IQSEC1: variants seen among roughly 807,000 people sequenced by gnomAD.
The protein encoded by IQSEC1 is IQ motif and Sec7 domain ArfGEF 1.
IQSEC1 carries 31 observed loss-of-function variants against 91.0 expected under a neutral mutation model. That is an observed-to-expected ratio of 0.34 (90% CI 0.26 to 0.46). The LOEUF (loss-of-function observed/expected upper bound fraction) is 0.46. IQSEC1 is among the 20% of genes least tolerant of loss of function. IQSEC1 has a pLI of 1.00. For missense variants in IQSEC1, 1,388 were observed against 1,575.6 expected, an observed-to-expected ratio of 0.88 and a Z score of 2.02; for synonymous variants, 699 against 662.6, an observed-to-expected ratio of 1.05 and a Z score of -0.84.
Position 12,967,768 on chromosome 3 carries a change from T to A in IQSEC1, c.24-25903A>T. The A allele has an allele frequency of 2.4e-6, 2 of 842,024 alleles. No homozygotes were observed. The highest frequency in any genetic ancestry group is 2.9e-6 in the Non-Finnish European group (2 of 694,420). The allele number at this position is 842,024 out of a possible 1,614,324, so 52.2% of individuals were successfully genotyped here. ...GCGGGGGCGGGGCCGGAGGGCGAGC[T>A]GGGGGCGGGGCCGGAGGGCGAGCTG... On this transcript the variant is annotated intron_variant, in intron 1 of 13. Transcript: ENST00000613206. The surrounding 1 kb of genome is among the most constrained non-coding windows in gnomAD (Gnocchi z 5.9).
chr3:13,253,927 G>C (rs754535123), intron 1 of IQSEC1, among the ~76,000 whole-genome samples: 2 of 152,216 alleles, frequency 1.3e-5, no homozygotes, highest in Non-Finnish European at 2.9e-5. Context: ...ACCGATGGAA[G>C]CTGTGTTTCC....
intron 1 of IQSEC1, among the ~76,000 whole-genome samples, chr3:13,169,560 G>C (rs897923781): frequency 2.0e-5 from 3 of 152,228 alleles, no homozygotes; most frequent in African/African-American, 7.2e-5. Flanking sequence ...ATGTGGGAAA[G>C]TTTGGAACTT....
In IQSEC1 at chr3:13,149,100, C is replaced by A. The variant is rs376857337; in HGVS notation, c.302+15004G>T. On this transcript the variant is annotated intron_variant, in intron 2 of 15. Coordinates refer to the IQSEC1 transcript ENST00000648114. ...TACTCTGTCTGGGCAGTCCCCACAC[C>A]CGCCATGCTGGGGGTTGGATTCCAG... 1.4e-4 allele frequency among the ~76,000 whole-genome samples: 22 copies of A among 152,356 alleles called. 2 individuals are homozygous for A. The highest frequency in any genetic ancestry group is 7.8e-4 in the Admixed American group (12 of 15,308).
chr3:13,015,323 A>G (rs1703071819), intron 1 of IQSEC1, among the ~76,000 whole-genome samples: 1 of 152,148 alleles, frequency 6.6e-6, no homozygotes, highest in African/African-American at 2.4e-5. Context: ...GGGCTGGTCT[A>G]ACGCGCAGGG....
At chr3:13,018,991 C>A (rs1344156122) in intron 1 of IQSEC1, among the ~76,000 whole-genome samples, 1 of 152,226 alleles carries the variant, frequency 6.6e-6, no homozygotes, top group African/African-American at 2.4e-5. Flanking sequence ...GGGGGTGCCA[C>A]AGCCATGCAC....
intron 3 of IQSEC1, among the ~76,000 whole-genome samples, chr3:12,932,508 G>A (rs569299059): frequency 3.5e-4 from 53 of 152,182 alleles, no homozygotes; most frequent in Non-Finnish European, 4.9e-4. Context: ...CATGCCTGGC[G>A]CACCGTCAGC....
intron 1 of IQSEC1, among the ~76,000 whole-genome samples, chr3:13,223,888 C>T (rs1412418211): frequency 6.6e-6 from 1 of 152,238 alleles, no homozygotes; most frequent in African/African-American, 2.4e-5. Flanking sequence ...CCTCCTAAGG[C>T]GCTGTTGGTT....
chr3:12,950,206 G>A (rs1401044748), intron 1 of IQSEC1, among the ~76,000 whole-genome samples: 1 of 152,236 alleles, frequency 6.6e-6, no homozygotes, highest in Non-Finnish European at 1.5e-5. Flanking sequence ...GCCCAGGACT[G>A]CAGACCACAG....
chr3:13,227,934 C>T (rs1694785139), intron 1 of IQSEC1, among the ~76,000 whole-genome samples: 1 of 152,128 alleles, frequency 6.6e-6, no homozygotes, highest in Non-Finnish European at 1.5e-5. Context: ...GCCTCCACCC[C>T]AGCTTGCCGA....
chr3:12,920,638 A>T, intron 5 of IQSEC1, 42 bp from the exon 6 acceptor site: 2 of 1,596,910 alleles, frequency 1.3e-6, no homozygotes, highest in Non-Finnish European at 1.7e-6. Flanking sequence ...TGGCGCAGCA[A>T]GTGACACGGC....
chr3:13,231,008 C>A (rs1166847772), intron 1 of IQSEC1, among the ~76,000 whole-genome samples: 1 of 152,144 alleles, frequency 6.6e-6, no homozygotes, highest in Non-Finnish European at 1.5e-5. Context: ...GGGGCACTGT[C>A]CCCTTAAACT....
chr3:13,185,071 T>G (rs1384005477), intron 1 of IQSEC1, among the ~76,000 whole-genome samples: 1 of 152,192 alleles, frequency 6.6e-6, no homozygotes, highest in Admixed American at 6.5e-5. Flanking sequence ...TCGGGGGATC[T>G]GAGGGTTTCC....
chr3:12,915,450 G>T, intron 7 of IQSEC1, 144 bp downstream of exon 7: 1 of 857,690 alleles, frequency 1.2e-6, no homozygotes, highest in Non-Finnish European at 1.8e-6. Flanking sequence ...GGAGACACTC[G>T]AAAAAACCCC....
At chr3:13,176,236 C>T (rs1365612616) in intron 1 of IQSEC1, among the ~76,000 whole-genome samples, 1 of 152,206 alleles carries the variant, frequency 6.6e-6, no homozygotes, top group Admixed American at 6.5e-5. Flanking sequence ...ACTATAGCCC[C>T]CACCCTGAAC....
chr3:12,900,513 T>G lies in IQSEC1; in HGVS notation c.*470A>C. On this transcript the variant is annotated 3_prime_UTR_variant, in exon 14 of 14. Transcript: ENST00000613206. ...TATAAAGTTTACTTACGTATTTTCA[T>G]CAACCATATCAGGTCTACTTATTTT... 3.3e-6 allele frequency: 3 copies of G among 896,572 alleles called. No homozygotes were observed. The highest frequency in any genetic ancestry group is 4.0e-6 in the Non-Finnish European group (3 of 749,682). The allele number at this position is 896,572 out of a possible 1,614,324, so 55.5% of individuals were successfully genotyped here.
chr3:13,025,895 C>A (rs988218380), intron 1 of IQSEC1, among the ~76,000 whole-genome samples: 3 of 152,190 alleles, frequency 2.0e-5, no homozygotes. Context: ...TTCCTGACAC[C>A]CCCAAGTGGC....
intron 1 of IQSEC1, among the ~76,000 whole-genome samples, chr3:13,177,449 T>C (rs998813252): frequency 2.0e-5 from 3 of 152,184 alleles, no homozygotes; most frequent in African/African-American, 7.2e-5. Context: ...AGGGCAGGAA[T>C]AATTCCCACA....
chr3:12,944,450 C>G (rs1306239978), intron 1 of IQSEC1, among the ~76,000 whole-genome samples: 1 of 152,228 alleles, frequency 6.6e-6, no homozygotes, highest in Admixed American at 6.5e-5. Context: ...GAAGCCCATC[C>G]CACACTGTCT....
intron 2 of IQSEC1, among the ~76,000 whole-genome samples, chr3:13,112,712 C>A (rs762069304): frequency 5.3e-5 from 8 of 152,204 alleles, no homozygotes; most frequent in Non-Finnish European, 7.3e-5. Flanking sequence ...TGGCCTGCAG[C>A]TTTGGGTACG....
Sources: allele counts gnomAD v4.1 joint callset (sites outside exome capture counted in the v4.1 genomes callset), GRCh38; gene constraint gnomAD v4.1.1; non-coding constraint Gnocchi (gnomAD v3.1); transcripts MANE v1.5; gene names NCBI Gene and HGNC (gene_info 2026-07-23, HGNC 2026-07-21).